The following SFXN5 variants were observed in gnomAD, a reference collection of about 807,000 sequenced individuals.
SFXN5 encodes sideroflexin-5.
SFXN5 carries 43 observed loss-of-function variants against 50.2 expected under a neutral mutation model. The observed-to-expected ratio is 0.86, with a 90% CI of 0.67 to 1.11. The LOEUF is 1.11. SFXN5 is among the 50% of genes least tolerant of loss of function. The pLI, the probability that SFXN5 is intolerant of heterozygous loss-of-function variation, is 0.00. For missense variants in SFXN5, 463 were observed against 454.1 expected (o/e 1.02, Z -0.18); for synonymous variants, 203 against 185.8 (o/e 1.09, Z -0.75).
At chr2:73,059,554 G>C in intron 1 of SFXN5, 2 of 985,306 alleles carry the variant, frequency 2.0e-6, no homozygotes, top group Non-Finnish European at 2.4e-6. Context: ...CCCTGCAATA[G>C]GCTCCAGGTC....
chr2:72,976,702 G>T (rs1670654150), intron 10 of SFXN5, among the ~76,000 whole-genome samples: 1 of 152,184 alleles, frequency 6.6e-6, no homozygotes, highest in African/African-American at 2.4e-5. Flanking sequence ...AAAGTGACTG[G>T]TATTGAATGT....
At chr2:73,037,800 T>C (rs1212262759) in intron 3 of SFXN5, among the ~76,000 whole-genome samples, 1 of 152,136 alleles carries the variant, frequency 6.6e-6, no homozygotes, top group Admixed American at 6.5e-5. Context: ...TAAGGCTGAG[T>C]GCAGAATTAT....
chr2:73,056,542 G>A (rs181352051), intron 2 of SFXN5, among the ~76,000 whole-genome samples: 8 of 150,800 alleles, frequency 5.3e-5, no homozygotes, highest in South Asian at 2.1e-4. Flanking sequence ...AAAATTAGCC[G>A]GGCATGGTGG....
chr2:72,991,309 C>T (rs1010644084), intron 9 of SFXN5, among the ~76,000 whole-genome samples: 3 of 152,272 alleles, frequency 2.0e-5, no homozygotes, highest in African/African-American at 7.2e-5. Flanking sequence ...CCCTGAAAGT[C>T]ACCAGGGTCT....
At chr2:72,987,058 G>T (rs1672003346) in intron 10 of SFXN5, among the ~76,000 whole-genome samples, 1 of 152,190 alleles carries the variant, frequency 6.6e-6, no homozygotes, top group Admixed American at 6.5e-5. Context: ...GGATCACAAA[G>T]GGATCATCCT....
intron 5 of SFXN5, 47 bp from the exon 6 acceptor site, chr2:73,020,311 T>C (rs1676706568): frequency 1.2e-6 from 2 of 1,604,614 alleles, no homozygotes; most frequent in East Asian, 4.5e-5. Flanking sequence ...CACTCACATC[T>C]CACCTGAGAT....
At chr2:72,981,209 CT>C (rs1671267512) in intron 10 of SFXN5, 1 of 152,154 alleles carries the variant, frequency 6.6e-6, no homozygotes, top group Non-Finnish European at 1.5e-5. Flanking sequence ...CAGAGCTACT[CT>C]TGACGTGTAC....
chr2:73,005,696 G>A (rs925809634), intron 6 of SFXN5, among the ~76,000 whole-genome samples: 4 of 152,052 alleles, frequency 2.6e-5, no homozygotes, highest in African/African-American at 7.2e-5. Flanking sequence ...TCTCCATCTC[G>A]GGAACACAAG....
chr2:72,961,357 CG>C lies in SFXN5; in HGVS notation c.828-110del, dbSNP rs1048269908. On this transcript the variant is annotated intron_variant, in intron 12 of 13. Coordinates refer to ENST00000272433, the MANE Select transcript of SFXN5 (RefSeq NM_144579.3). This position sits in a 1 kb window ranked among gnomAD's most constrained non-coding sequence, Gnocchi z 4.4. ...TCTCTGGGCCCAGGAAGCGTGGTTC[CG>C]GGGCAGTGCCAGTGTGCAGCTAAAC... The C allele has an allele frequency of 3.1e-6, 2 of 655,278 alleles. No homozygotes were observed. The highest frequency in any genetic ancestry group is 4.9e-6 in the Non-Finnish European group (2 of 406,506). 40.6% of individuals were successfully genotyped at this position (655,278 alleles called of 1,614,324 possible).
At chr2:72,985,128 C>T (rs1671750160) in intron 10 of SFXN5, among the ~76,000 whole-genome samples, 4 of 152,186 alleles carry the variant, frequency 2.6e-5, no homozygotes. Flanking sequence ...CTGCCACTTT[C>T]CCCAACCTCC....
chr2:73,014,614 T>C (rs1165068793), intron 6 of SFXN5, among the ~76,000 whole-genome samples: 1 of 152,230 alleles, frequency 6.6e-6, no homozygotes, highest in African/African-American at 2.4e-5. Context: ...ACATTGAATA[T>C]AGATTTTAAT....
rs1673761254 is a variant in SFXN5, at chr2:72,961,620, A to G, written c.828-372T>C. Among the ~76,000 whole-genome samples the G allele has an allele frequency of 6.6e-6, 1 of 152,194 alleles. No homozygotes were observed. Among genetic ancestry groups the G allele is most frequent in the Non-Finnish European group, 1.5e-5 (1 of 68,024 alleles). On this transcript the variant is annotated intron_variant, in intron 12 of 13. Coordinates refer to ENST00000272433, the MANE Select transcript of SFXN5 (RefSeq NM_144579.3). This position sits in a 1 kb window ranked among gnomAD's most constrained non-coding sequence, Gnocchi z 4.4. Reference sequence around the variant, plus strand: ...TCGGCCCCTGTTCCTGGGGAGACACATAGGGACGTAAGATCGCTCTCGAGG... The same window carrying G: ...TCGGCCCCTGTTCCTGGGGAGACACGTAGGGACGTAAGATCGCTCTCGAGG...
chr2:73,055,817 C>A (rs1419201640), intron 2 of SFXN5, among the ~76,000 whole-genome samples: 2 of 152,134 alleles, frequency 1.3e-5, no homozygotes, highest in African/African-American at 4.8e-5. Context: ...CCGGGTTTCA[C>A]CATGTTAGCC....
chr2:73,041,996 C>T (rs1219501907), intron 2 of SFXN5, among the ~76,000 whole-genome samples: 4 of 152,048 alleles, frequency 2.6e-5, no homozygotes, highest in Non-Finnish European at 4.4e-5. Flanking sequence ...CCACGGTGCC[C>T]GGCCAGGAGA....
intron 1 of SFXN5, among the ~76,000 whole-genome samples, chr2:73,060,324 C>T (rs917761125): frequency 6.6e-6 from 1 of 152,138 alleles, no homozygotes; most frequent in Non-Finnish European, 1.5e-5. Context: ...AAATGTGATA[C>T]CCCGAGAAGT....
At chr2:73,008,618 G>A (rs1428879206) in intron 6 of SFXN5, among the ~76,000 whole-genome samples, 2 of 152,220 alleles carry the variant, frequency 1.3e-5, no homozygotes, top group Non-Finnish European at 2.9e-5. Flanking sequence ...CTGTGCTTAG[G>A]GGAAACCTGG....
intron 3 of SFXN5, among the ~76,000 whole-genome samples, chr2:73,027,391 G>A (rs944716766): frequency 3.3e-5 from 5 of 152,314 alleles, no homozygotes; most frequent in Non-Finnish European, 1.5e-5. Context: ...TAAGCTAAGT[G>A]TTATTACAAA....
chr2:73,049,623 A>T (rs1160029144), intron 2 of SFXN5: 6 of 152,172 alleles, frequency 3.9e-5, no homozygotes, highest in Non-Finnish European at 8.8e-5. Context: ...TTGCCTCTTA[A>T]AGATCCCACC....
intron 6 of SFXN5, among the ~76,000 whole-genome samples, chr2:73,016,627 C>G (rs1475052499): frequency 6.6e-6 from 1 of 152,192 alleles, no homozygotes; most frequent in Non-Finnish European, 1.5e-5. Flanking sequence ...ATCGCTTGAA[C>G]CTGGCATCCG....
Sources: gnomAD v4.1 joint callset for allele counts (sites outside exome capture counted in the v4.1 genomes callset) on GRCh38, gnomAD v4.1.1 for gene constraint, Gnocchi (gnomAD v3.1) non-coding constraint, MANE v1.5 for transcripts, NCBI Gene and HGNC (gene_info 2026-07-23, HGNC 2026-07-21) for gene names.